Variants in VSTM2A observed in about 807,000 individuals in gnomAD.
The protein encoded by VSTM2A is V-set and transmembrane domain-containing protein 2A.
VSTM2A carries 13 observed loss-of-function variants against 27.3 expected under a neutral mutation model. The ratio of observed to expected loss-of-function variants is 0.48; its 90% confidence interval spans 0.31 to 0.76. The LOEUF (loss-of-function observed/expected upper bound fraction) is 0.76, where lower values mean the gene tolerates loss of function less well. VSTM2A is among the 30% of genes least tolerant of loss of function. The pLI, the probability that VSTM2A is intolerant of heterozygous loss-of-function variation, is 0.05. For synonymous variants in VSTM2A, 142 were observed against 125.7 expected, an observed-to-expected ratio of 1.13 and a Z score of -0.87; for missense variants, 280 against 310.0, an observed-to-expected ratio of 0.90 and a Z score of 0.73.
chr7:54,569,289 A>G lies in VSTM2A; in HGVS notation c.*70A>G. 3 of 1,537,658 alleles carry G rather than the reference A, an allele frequency of 2.0e-6. No homozygotes were observed. Among genetic ancestry groups the G allele is most frequent in the Admixed American group, 2.1e-5 (1 of 48,726 alleles). On this transcript the variant is annotated 3_prime_UTR_variant, in exon 5 of 5. Transcript: ENST00000402613. ...GGCTATCACATGCTTTGTTGATCAT[A>G]TTTTCTTTGGCAAAACACTGATCTT...
At chr7:54,560,133 CAT>C (rs1788509407) in intron 4 of VSTM2A, among the ~76,000 whole-genome samples, 1 of 149,470 alleles carries the variant, frequency 6.7e-6, no homozygotes, top group South Asian at 2.1e-4. Flanking sequence ...TTAGCAAACA[CAT>C]AAAATATTTC....
intron 2 of VSTM2A, 71 bp from the exon 3 acceptor site, chr7:54,546,876 G>A: frequency 1.3e-6 from 2 of 1,585,546 alleles, no homozygotes; most frequent in Non-Finnish European, 1.7e-6. Context: ...AGCCGCGAAG[G>A]CTATGCTCGC....
intron 2 of VSTM2A, chr7:54,546,540 GCCTCACCCCTGGCGCCCCC>G (rs1787979633): frequency 6.8e-6 from 1 of 147,988 alleles, no homozygotes; most frequent in African/African-American, 3.0e-5. Context: ...GCGCCCGCCC[GCCTCACCCCTGGCGCCCCC>G]CCGCCTGCCC....
chr7:54,546,804 C>T, intron 2 of VSTM2A, 143 bp from the exon 3 acceptor site: 4 of 922,912 alleles, frequency 4.3e-6, no homozygotes, highest in South Asian at 3.3e-5. Flanking sequence ...TGGGCCTGGA[C>T]AGGGGTGGCC....
chr7:54,559,718 A>G (rs1303391948), intron 4 of VSTM2A: 1 of 152,160 alleles, frequency 6.6e-6, no homozygotes, highest in Non-Finnish European at 1.5e-5. Context: ...ACACCTGGAA[A>G]TACACAGATG....
intron 4 of VSTM2A, among the ~76,000 whole-genome samples, chr7:54,563,079 CTGTT>C (rs1370259598): frequency 6.6e-6 from 1 of 152,142 alleles, no homozygotes; most frequent in Non-Finnish European, 1.5e-5. Flanking sequence ...GGAAAGGTTT[CTGTT>C]TGTTTTTCCA....
chr7:54,547,046 A>G, intron 3 of VSTM2A, 49 bp downstream of exon 3: 1 of 1,520,988 alleles, frequency 6.6e-7, no homozygotes, highest in Non-Finnish European at 8.8e-7. Context: ...CGGGACGCAC[A>G]GCCCTTCCCT....
chr7:54,569,344 A>G lies in VSTM2A; in HGVS notation c.*125A>G, dbSNP rs1000678496. On this transcript the variant is annotated 3_prime_UTR_variant, in exon 5 of 5. Coordinates refer to ENST00000402613, the MANE Select transcript of VSTM2A (RefSeq NM_001301009.2). ...TTTAAGAGAATTAACGTGAAGTGAT[A>G]GAACGTTTTCTAATAGCAAGATCTA... 6.9e-7 allele frequency: 1 copy of G among 1,456,746 alleles called. No individual in the cohort carries two copies. The highest frequency in any genetic ancestry group is 1.4e-5 in the African/African-American group (1 of 69,968). The allele number at this position is 1,456,746 out of a possible 1,614,324, so 90.2% of individuals were successfully genotyped here. A position where few individuals can be genotyped will look rare whatever the true frequency, so the allele number is the denominator to read the frequency against.
In VSTM2A at chr7:54,554,867, G is replaced by T. The variant is rs1443637667; in HGVS notation, c.634+4697G>T. ...CTGCCCAGCTAAGTACAGACAACAC[G>T]CAGAACAGAGACAGATGATGATCTC... On this transcript the variant is annotated intron_variant, in intron 4 of 4. Transcript: ENST00000402613. Among the ~76,000 whole-genome samples, 33 of 152,302 alleles carry T rather than the reference G, an allele frequency of 2.2e-4. 1 individual carries two copies. The highest frequency in any genetic ancestry group is 1.5e-5 in the Non-Finnish European group (1 of 68,036).
chr7:54,564,670 T>C (rs1042328474), intron 4 of VSTM2A, among the ~76,000 whole-genome samples: 34 of 152,316 alleles, frequency 2.2e-4, no homozygotes, highest in African/African-American at 8.2e-4. Flanking sequence ...TAACTAATGA[T>C]GGCACTTTGA....
intron 4 of VSTM2A, chr7:54,558,354 G>T (rs1788440036): frequency 6.6e-6 from 1 of 152,094 alleles, no homozygotes; most frequent in South Asian, 2.1e-4. Flanking sequence ...ATACAGATTT[G>T]ATTCTTAGAT....
chr7:54,550,137 G>A lies in VSTM2A; in HGVS notation c.601G>A (p.Val201Ile), dbSNP rs1486303386. The change falls in exon 4 of 5, where the codon GTA becomes ATA. Residue 201 changes from valine to isoleucine, a missense_variant. Val to Ile is a conservative substitution (Grantham distance 29). Transcript: ENST00000402613. ...GCACTCCACCTCCAGCCCTCAAGTG[G>A]TAGCCAAAATCCCCAAACAAAGTCC... ...RTHSTSSPQV[V>I]AKIPKQSPQS... The A allele has an allele frequency of 6.2e-7, 1 of 1,604,088 alleles. No individual in the cohort carries two copies. The highest frequency in any genetic ancestry group is 8.5e-7 in the Non-Finnish European group (1 of 1,175,420).
chr7:54,550,592 C>A lies in VSTM2A; in HGVS notation c.634+422C>A, dbSNP rs376832383. The A allele has an allele frequency of 5.4e-5, 12 of 222,342 alleles. No homozygotes were observed. In the East Asian group the frequency reaches 1.1e-3, roughly 20 times the overall value. 13.8% of individuals were successfully genotyped at this position (222,342 alleles called of 1,614,324 possible). On this transcript the variant is annotated intron_variant, in intron 4 of 4. Transcript: ENST00000402613. ...AGAGACATGCCATATCATGCATTTT[C>A]AGCGACCCATAGCTCTAAGCAGGAC...
At chr7:54,548,967 T>C (rs1489180555) in intron 3 of VSTM2A, among the ~76,000 whole-genome samples, 1 of 151,082 alleles carries the variant, frequency 6.6e-6, no homozygotes, top group African/African-American at 2.4e-5. Context: ...ATGAAGAACA[T>C]ATGATTATGT....
At chr7:54,563,910 G>T (rs1291864964) in intron 4 of VSTM2A, among the ~76,000 whole-genome samples, 1 of 152,152 alleles carries the variant, frequency 6.6e-6, no homozygotes, top group African/African-American at 2.4e-5. Context: ...CTAATAAAAA[G>T]ATATTCTTCT....
At position 54,558,589 on chromosome 7, in the gene VSTM2A, G is replaced by A. The variant is rs368757826; in HGVS notation, c.634+8419G>A. 6 of 152,096 alleles carry A rather than the reference G, an allele frequency of 3.9e-5. No individual in the cohort carries two copies. In the East Asian group the frequency reaches 9.6e-4, roughly 24 times the overall value. 9.4% of individuals were successfully genotyped at this position (152,096 alleles called of 1,614,324 possible). A position where few individuals can be genotyped will look rare whatever the true frequency, so the allele number is the denominator to read the frequency against. ...CTTTACCTACCAGATAGGAAAATAT[G>A]CTACAAAATAACTATTATTTAAGAG... is the stretch of plus-strand genomic sequence containing the variant. On this transcript the variant is annotated intron_variant, in intron 4 of 4. Coordinates refer to ENST00000402613, the MANE Select transcript of VSTM2A (RefSeq NM_001301009.2).
At position 54,542,613 on chromosome 7, in the gene VSTM2A, G is replaced by A. The variant is rs1787817574; in HGVS notation, c.-118G>A. Reference sequence around the variant, plus strand: ...CCAGCCCTCGCCAAGCAAGCAGCAGGATGTTTGCAGTGTCGCGCCCAGGGC... The same window carrying A: ...CCAGCCCTCGCCAAGCAAGCAGCAGAATGTTTGCAGTGTCGCGCCCAGGGC... On this transcript the variant is annotated 5_prime_UTR_variant, in exon 1 of 5. Coordinates refer to ENST00000402613, the MANE Select transcript of VSTM2A (RefSeq NM_001301009.2). The A allele has an allele frequency of 2.4e-6, 2 of 831,034 alleles. No homozygotes were observed. Among genetic ancestry groups the A allele is most frequent in the Admixed American group, 2.2e-5 (1 of 44,734 alleles). The allele number at this position is 831,034 out of a possible 1,614,324, so 51.5% of individuals were successfully genotyped here.
chr7:54,553,764 T>A (rs1788260386), intron 4 of VSTM2A: 1 of 1,474,038 alleles, frequency 6.8e-7, no homozygotes, highest in Admixed American at 2.1e-5. Context: ...GTGGTTTAGG[T>A]CCCTCTTCGC....
intron 4 of VSTM2A, 180 bp downstream of exon 4, chr7:54,550,350 A>G (rs1157331805): frequency 1.2e-5 from 17 of 1,445,440 alleles, no homozygotes; most frequent in Non-Finnish European, 1.5e-5. Context: ...AGCTCAAAGC[A>G]TGTGGGTGCA....
Sources: gnomAD v4.1 joint callset for allele counts (sites outside exome capture counted in the v4.1 genomes callset) on GRCh38, gnomAD v4.1.1 for gene constraint, MANE v1.5 for transcripts, NCBI Gene and HGNC (gene_info 2026-07-23, HGNC 2026-07-21) for gene names.